Variants in NLRP5 observed in about 807,000 individuals in gnomAD.
NLRP5 encodes the protein NACHT, LRR and PYD domains-containing protein 5.
A neutral mutation model predicts 113.1 loss-of-function variants in NLRP5; 93 were observed. The ratio of observed to expected loss-of-function variants is 0.82; its 90% confidence interval spans 0.70 to 0.98. NLRP5 has a LOEUF of 0.98. Ranked by LOEUF, NLRP5 falls within the 50% of genes least tolerant of loss-of-function variation. The pLI, the probability that NLRP5 is intolerant of heterozygous loss-of-function variation, is 0.00. For synonymous variants in NLRP5, 751 were observed against 600.7 expected (o/e 1.25, Z -3.66); for missense variants, 1,808 against 1,514.3 (o/e 1.19, Z -3.22).
At chr19:56,028,879 C>G (rs568062530) in intron 7 of NLRP5, among the ~76,000 whole-genome samples, 7 of 152,276 alleles carry the variant, frequency 4.6e-5, no homozygotes, top group African/African-American at 1.4e-4. Flanking sequence ...ATTCTCCTGC[C>G]TCAGGCTGCC....
In NLRP5 at chr19:56,028,046, C is replaced by G. The variant is rs765516217; in HGVS notation, c.1813C>G (p.Pro605Ala). Residue 605 changes from proline (P) to alanine (A), a missense_variant, in exon 7 of 15, where the codon CCA becomes GCA. By Grantham distance (27) the Pro-to-Ala change is conservative. Transcript: ENST00000390649. ...CGTGTTAGAGGGCCTGGAAATCGAG[C>G]CAGCTCTCTGCCCTCTGTACGTTGA... 6.2e-7 allele frequency: 1 copy of G among 1,614,024 alleles called. No individual in the cohort carries two copies. The highest frequency in any genetic ancestry group is 8.5e-7 in the Non-Finnish European group (1 of 1,179,892).
Position 56,032,726 on chromosome 19 carries a change from A to C in NLRP5, c.2392A>C (p.Met798Leu). 1.9e-6 allele frequency: 3 copies of C among 1,613,182 alleles called. No homozygotes were observed. The highest frequency in any genetic ancestry group is 2.5e-6 in the Non-Finnish European group (3 of 1,179,760). ...CAGCAGCATCCTGACAGAGCGGGCCATGAAGACCCTGTGTGCCAAGCTGAG... is the reference window on the plus strand; with the variant it reads ...CAGCAGCATCCTGACAGAGCGGGCCCTGAAGACCCTGTGTGCCAAGCTGAG... The change falls in exon 8 of 15, where the codon ATG becomes CTG. Residue 798 changes from methionine to leucine, a missense_variant. Coordinates refer to ENST00000390649, the MANE Select transcript of NLRP5 (RefSeq NM_153447.4).
At chr19:56,005,340 TACACATACAC>T (rs1981841457) in intron 2 of NLRP5, among the ~76,000 whole-genome samples, 1 of 138,514 alleles carries the variant, frequency 7.2e-6, no homozygotes, top group Non-Finnish European at 1.5e-5. Flanking sequence ...TATATACACA[TACACATACAC>T]ATATATTTTT....
At chr19:55,998,650 C>T (rs1044239391), upstream of NLRP5, among the ~76,000 whole-genome samples, 1 of 74,044 alleles carries the variant, frequency 1.4e-5, no homozygotes, top group Non-Finnish European at 2.7e-5. Context: ...AAGCCTTCGT[C>T]TCAAAATATG....
upstream of NLRP5, among the ~76,000 whole-genome samples, chr19:55,998,716 A>ATATATATATATGTGTG (rs1599873243): frequency 8.1e-6 from 1 of 123,180 alleles, no homozygotes; most frequent in African/African-American, 3.4e-5. Context: ...GTGTGTGTGT[A>ATATATATATATGTGTG]TATATATATA....
chr19:56,019,800 G>A (rs1982544652), intron 5 of NLRP5, among the ~76,000 whole-genome samples: 1 of 151,514 alleles, frequency 6.6e-6, no homozygotes, highest in African/African-American at 2.4e-5. Flanking sequence ...GAATTGTGCT[G>A]GAATTACAGT....
intron 13 of NLRP5, among the ~76,000 whole-genome samples, chr19:56,057,967 G>A (rs917506305): frequency 6.6e-6 from 1 of 150,476 alleles, no homozygotes; most frequent in Non-Finnish European, 1.5e-5. Flanking sequence ...GTAGAAGGTT[G>A]CAGTGAGCCA....
At chr19:56,000,440 C>T (rs1455107419) in intron 1 of NLRP5, among the ~76,000 whole-genome samples, 1 of 152,060 alleles carries the variant, frequency 6.6e-6, no homozygotes, top group Non-Finnish European at 1.5e-5. Context: ...TCTTGACTCA[C>T]TGCAAGCTCC....
Position 56,028,173 on chromosome 19 carries a change from G to A in NLRP5, c.1940G>A (p.Arg647Lys). 1.2e-6 allele frequency: 2 copies of A among 1,614,010 alleles called. No individual in the cohort carries two copies. Among genetic ancestry groups the A allele is most frequent in the Non-Finnish European group, 1.7e-6 (2 of 1,179,894 alleles). Residue 647 changes from arginine (R) to lysine (K), a missense_variant, in exon 7 of 15, where the codon AGG (arginine) becomes AAG (lysine). Coordinates refer to ENST00000390649, the MANE Select transcript of NLRP5 (RefSeq NM_153447.4). Reference sequence around the variant, plus strand: ...GGCCTCGTGAGCGAAGACGTAAGGAGGCCACTGGAGGTCCTGCTGGGCTGT... The same window carrying A: ...GGCCTCGTGAGCGAAGACGTAAGGAAGCCACTGGAGGTCCTGCTGGGCTGT...
At chr19:56,019,430 C>T (rs1982531866) in intron 5 of NLRP5, 32 bp downstream of exon 5, 1 of 1,604,162 alleles carries the variant, frequency 6.2e-7, no homozygotes, top group South Asian at 1.1e-5. Context: ...CTTGGTTGCC[C>T]TCCTGGAAGA....
At chr19:55,987,092 G>A in the NLRP5 span, among the ~76,000 whole-genome samples, 1 of 152,238 alleles carries the variant, frequency 6.6e-6, no homozygotes, top group East Asian at 1.9e-4. Flanking sequence ...CAGAGGGCTG[G>A]GTGCAGTGGC....
At chr19:56,005,202 CAT>C (rs1370117015) in intron 2 of NLRP5, among the ~76,000 whole-genome samples, 68 of 134,740 alleles carry the variant, frequency 5.0e-4, no homozygotes, top group African/African-American at 1.8e-3. Flanking sequence ...TTTATATACA[CAT>C]ACACATACAC....
intron 3 of NLRP5, among the ~76,000 whole-genome samples, chr19:56,009,896 C>T (rs1278793401): frequency 6.6e-6 from 1 of 152,206 alleles, no homozygotes; most frequent in Non-Finnish European, 1.5e-5. Flanking sequence ...ATCAGAGGCT[C>T]TGAATCCCAA....
intron 2 of NLRP5, among the ~76,000 whole-genome samples, chr19:56,007,918 T>TGTGTGTGCGCGCGCGCGCGCGTGC (rs1982005182): frequency 1.3e-5 from 1 of 75,666 alleles, no homozygotes; most frequent in African/African-American, 4.1e-5. Flanking sequence ...TGTGTGTGTG[T>TGTGTGTGCGCGCGCGCGCGCGTGC]GTGTGTGTGT....
intron 11 of NLRP5, among the ~76,000 whole-genome samples, chr19:56,043,895 G>C (rs1367996744): frequency 6.6e-6 from 1 of 151,126 alleles, no homozygotes; most frequent in East Asian, 2.0e-4. Context: ...CTATTCTTTT[G>C]CTGTGCAAAA....
At chr19:55,998,672 GTATATA>G (rs368326842), upstream of NLRP5, among the ~76,000 whole-genome samples, 1,982 of 105,600 alleles carry the variant, frequency 0.019, 85 homozygotes, top group Middle Eastern at 0.042. Flanking sequence ...GTGTGTGTGT[GTATATA>G]TATATATATA....
chr19:56,043,155 A>G (rs1294961635), intron 11 of NLRP5, among the ~76,000 whole-genome samples: 3 of 152,094 alleles, frequency 2.0e-5, no homozygotes, highest in Non-Finnish European at 4.4e-5. Flanking sequence ...TGGTAGTTGT[A>G]CTTTTAGTTC....
At chr19:56,029,067 T>G (rs142796862) in intron 7 of NLRP5, among the ~76,000 whole-genome samples, 140 of 151,640 alleles carry the variant, frequency 9.2e-4, no homozygotes, top group African/African-American at 3.1e-3. Flanking sequence ...CTCCCATGAA[T>G]GTGACCGCTC....
rs143426644 is a variant in NLRP5 at position 56,054,115 on chromosome 19, T to TTG, written c.3299+311_3299+312dup. ...CGGAAGTATGGAAGTGAAAAGACCT[T>TTG]TGTGTTGTAGTGTGAACAGTCTAGA... On this transcript the variant is annotated intron_variant, in intron 13 of 14. Transcript: ENST00000390649. 6.1e-3 allele frequency among the ~76,000 whole-genome samples: 936 copies of TTG among 152,246 alleles called. 12 individuals are homozygous for TTG. Among genetic ancestry groups the TTG allele is most frequent in the African/African-American group, 0.021 (883 of 41,550 alleles).
Sources: allele counts gnomAD v4.1 joint callset (sites outside exome capture counted in the v4.1 genomes callset), GRCh38; gene constraint gnomAD v4.1.1; transcripts MANE v1.5; gene names NCBI Gene and HGNC (gene_info 2026-07-23, HGNC 2026-07-21).